DPP10: variants seen among roughly 807,000 people sequenced by gnomAD.
DPP10 encodes inactive dipeptidyl peptidase 10.
DPP10 carries 33 observed loss-of-function variants against 120.9 expected under a neutral mutation model. The ratio of observed to expected loss-of-function variants is 0.27; its 90% confidence interval spans 0.21 to 0.37. DPP10 has a LOEUF of 0.37. DPP10 is among the 10% of genes least tolerant of loss of function. The pLI is 1.00. For synonymous variants in DPP10, 337 were observed against 326.1 expected (o/e 1.03, Z -0.36); for missense variants, 816 against 942.8 (o/e 0.87, Z 1.76).
At chr2:115,467,908 A>C (rs1208319790) in intron 3 of DPP10, 1 of 203,964 alleles carries the variant, frequency 4.9e-6, no homozygotes, top group Non-Finnish European at 9.9e-6. Context: ...AGTTTTGCTA[A>C]ATATATGTTA....
chr2:115,772,557 T>A (rs140835421), intron 13 of DPP10, among the ~76,000 whole-genome samples: 96 of 152,328 alleles, frequency 6.3e-4, no homozygotes, highest in Middle Eastern at 3.4e-3. Flanking sequence ...AAACTGTTCT[T>A]CTGGATAGAG....
At chr2:115,136,821 TA>T (rs2050675756) in intron 1 of DPP10, among the ~76,000 whole-genome samples, 1 of 152,222 alleles carries the variant, frequency 6.6e-6, no homozygotes, top group South Asian at 2.1e-4. Flanking sequence ...TTAAAATCCC[TA>T]GTGTAAGGAG....
At chr2:114,798,269 G>A (rs1683886680) in intron 1 of DPP10, among the ~76,000 whole-genome samples, 1 of 152,040 alleles carries the variant, frequency 6.6e-6, no homozygotes. Flanking sequence ...TAAAGTAATG[G>A]GTCAGTGTTG....
At chr2:115,312,733 T>G (rs2061633559) in intron 2 of DPP10, among the ~76,000 whole-genome samples, 1 of 152,142 alleles carries the variant, frequency 6.6e-6, no homozygotes, top group African/African-American at 2.4e-5. Flanking sequence ...ACATGCAGCA[T>G]CATCCCTCTG....
At position 115,573,581 on chromosome 2, in the gene DPP10, C is replaced by CTTT. The variant is rs767336910; in HGVS notation, c.441+47631_441+47633dup. Among the ~76,000 whole-genome samples the CTTT allele has an allele frequency of 3.2e-3, 222 of 70,298 alleles. 2 individuals carry two copies. Among genetic ancestry groups the CTTT allele is most frequent in the Non-Finnish European group, 3.9e-3 (155 of 39,752 alleles). The allele number at this position is 70,298 out of a possible 152,430, so 46.1% of individuals were successfully genotyped here. A position where few individuals can be genotyped will look rare whatever the true frequency, so the allele number is the denominator to read the frequency against. ...ACAGGCGTGAGCCACTGCGCCCGGC[C>CTTT]TTTTTTTTTTTTTTTTTTTTTTTTG... On this transcript the variant is annotated intron_variant, in intron 5 of 25. Transcript: ENST00000410059.
chr2:114,665,562 T>C (rs888657318), intron 1 of DPP10, among the ~76,000 whole-genome samples: 3 of 152,326 alleles, frequency 2.0e-5, no homozygotes, highest in East Asian at 3.9e-4. Flanking sequence ...GAAGCTGTCA[T>C]TGGAATGTCA....
intron 1 of DPP10, among the ~76,000 whole-genome samples, chr2:115,030,482 T>A (rs1509750): frequency 0.42 from 63,067 of 151,588 alleles, 13,217 homozygotes; most frequent in South Asian, 0.54. Flanking sequence ...TTTTCTTTTT[T>A]CCCAACTTTT....
At chr2:114,525,193 G>C (rs1380492120) in intron 1 of DPP10, among the ~76,000 whole-genome samples, 1 of 152,148 alleles carries the variant, frequency 6.6e-6, no homozygotes, top group African/African-American at 2.4e-5. Flanking sequence ...AAAATAAATA[G>C]ATGTTAGTGC....
At chr2:115,077,099 T>C (rs1222917909) in intron 1 of DPP10, among the ~76,000 whole-genome samples, 5 of 152,226 alleles carry the variant, frequency 3.3e-5, no homozygotes, top group African/African-American at 1.2e-4. Flanking sequence ...AACATCTCCA[T>C]GAATGCCACC....
At chr2:114,691,627 A>G (rs1458172564) in intron 1 of DPP10, among the ~76,000 whole-genome samples, 3 of 151,908 alleles carry the variant, frequency 2.0e-5, no homozygotes, top group Non-Finnish European at 4.4e-5. Context: ...ATCATTTTCA[A>G]TTTTTTGGAA....
chr2:115,087,542 T>C (rs1402187814), intron 1 of DPP10, among the ~76,000 whole-genome samples: 2 of 141,836 alleles, frequency 1.4e-5, no homozygotes, highest in African/African-American at 2.6e-5. Context: ...TCTTTTCTTT[T>C]TTTTTTTTTT....
At chr2:115,453,748 G>A (rs2073308042) in intron 3 of DPP10, among the ~76,000 whole-genome samples, 1 of 151,338 alleles carries the variant, frequency 6.6e-6, no homozygotes, top group Non-Finnish European at 1.5e-5. Context: ...GAAAAGCAAA[G>A]TTATTCAAAG....
At chr2:115,001,947 G>A (rs1376270155) in intron 1 of DPP10, among the ~76,000 whole-genome samples, 2 of 152,082 alleles carry the variant, frequency 1.3e-5, no homozygotes, top group African/African-American at 4.8e-5. Context: ...AATTAAAATG[G>A]CTATACTGCC....
intron 4 of DPP10, among the ~76,000 whole-genome samples, chr2:115,511,239 T>A (rs2077207456): frequency 6.6e-6 from 1 of 152,278 alleles, no homozygotes; most frequent in South Asian, 2.1e-4. Context: ...ACAGGAAGTT[T>A]TAAATTTATT....
At chr2:115,812,578 C>G (rs1306063496) in intron 19 of DPP10, among the ~76,000 whole-genome samples, 2 of 152,066 alleles carry the variant, frequency 1.3e-5, no homozygotes, top group African/African-American at 4.8e-5. Context: ...TTCAAATGAT[C>G]TGATCAAGAG....
intron 5 of DPP10, among the ~76,000 whole-genome samples, chr2:115,557,211 G>T (rs2080270109): frequency 6.6e-6 from 1 of 152,008 alleles, no homozygotes; most frequent in African/African-American, 2.4e-5. Flanking sequence ...ATAAAATGCG[G>T]TCAGAAAGAG....
intron 1 of DPP10, among the ~76,000 whole-genome samples, chr2:114,452,203 T>G (rs975677557): frequency 6.6e-6 from 1 of 152,204 alleles, no homozygotes; most frequent in African/African-American, 2.4e-5. Flanking sequence ...CATGAATGGC[T>G]TCTGTTAATA....
intron 1 of DPP10, among the ~76,000 whole-genome samples, chr2:114,580,002 A>T (rs1690369426): frequency 6.6e-6 from 1 of 152,208 alleles, no homozygotes; most frequent in Non-Finnish European, 1.5e-5. Context: ...AAGGGCAATG[A>T]CAAAACTGAC....
intron 1 of DPP10, among the ~76,000 whole-genome samples, chr2:115,160,180 C>CA (rs2052204685): frequency 6.6e-6 from 1 of 152,226 alleles, no homozygotes; most frequent in Middle Eastern, 3.4e-3. Flanking sequence ...TTGCAACTTG[C>CA]AAAGTTATTC....
Sources: allele counts gnomAD v4.1 joint callset (sites outside exome capture counted in the v4.1 genomes callset), GRCh38; gene constraint gnomAD v4.1.1; transcripts MANE v1.5; gene names NCBI Gene and HGNC (gene_info 2026-07-23, HGNC 2026-07-21).